The following SRGAP2C variants were observed in gnomAD, a reference collection of about 807,000 sequenced individuals.
The protein encoded by SRGAP2C is SLIT-ROBO Rho GTPase-activating protein 2C.
In SRGAP2C, 15 loss-of-function variants were observed where a neutral mutation model predicts 25.1. That is an observed-to-expected ratio of 0.60 (90% CI 0.40 to 0.92). The LOEUF is 0.92. Ranked by LOEUF, SRGAP2C falls within the 40% of genes least tolerant of loss-of-function variation. SRGAP2C has a pLI of 0.00. For synonymous variants in SRGAP2C, 44 were observed against 96.6 expected (o/e 0.46, Z 3.19); for missense variants, 144 against 264.4 (o/e 0.54, Z 3.16).
chr1:121,285,442 CTAGTAAA>C (rs1429378024), intron 3 of SRGAP2C, among the ~76,000 whole-genome samples: 9 of 142,396 alleles, frequency 6.3e-5, no homozygotes, highest in African/African-American at 2.1e-4. Context: ...TCACACACCC[CTAGTAAA>C]TAGTAGAGCT....
chr1:121,265,950 T>G (rs1656766387), intron 2 of SRGAP2C, among the ~76,000 whole-genome samples: 1 of 151,616 alleles, frequency 6.6e-6, no homozygotes, highest in African/African-American at 2.4e-5. Flanking sequence ...AGACTTCTTG[T>G]TGTTGGTTTT....
intron 4 of SRGAP2C, among the ~76,000 whole-genome samples, chr1:121,346,722 G>A (rs1387855160): frequency 1.7e-4 from 26 of 152,132 alleles, no homozygotes; most frequent in African/African-American, 5.8e-4. Context: ...TGAAACAATA[G>A]CCCTTTGAAT....
intron 3 of SRGAP2C, among the ~76,000 whole-genome samples, chr1:121,300,177 C>T (rs1187378333): frequency 2.3e-5 from 3 of 128,788 alleles, no homozygotes; most frequent in Admixed American, 7.9e-5. Context: ...CCATTTTTTG[C>T]GATGCTGTAA....
At chr1:121,313,925 A>G (rs1553340263) in intron 3 of SRGAP2C, among the ~76,000 whole-genome samples, 1 of 141,258 alleles carries the variant, frequency 7.1e-6, no homozygotes, top group Non-Finnish European at 1.5e-5. Context: ...CTTCTTCAGG[A>G]GTATCTTTGT....
rs1159244899 is a variant in SRGAP2C, at chr1:121,258,444, C to T, written c.68-26359C>T. The stretch of plus-strand genomic sequence containing the variant: ...AAGCTGTTGGCTTTTAGGATACATC[C>T]CCAAATGGTCATCTATCACTCTTTT... On this transcript the variant is annotated intron_variant, in intron 2 of 9. Transcript: ENST00000367123. 5.5e-5 allele frequency among the ~76,000 whole-genome samples: 8 copies of T among 144,876 alleles called. No homozygotes were observed. The South Asian group carries it at 1.5e-3, about 27-fold the overall frequency.
At chr1:121,190,156 T>A (rs2211092) in intron 2 of SRGAP2C, among the ~76,000 whole-genome samples, 2 of 152,076 alleles carry the variant, frequency 1.3e-5, no homozygotes, top group African/African-American at 4.8e-5. Context: ...TGGCTCTGCC[T>A]CCCACTAGCT....
intron 2 of SRGAP2C, among the ~76,000 whole-genome samples, chr1:121,192,047 G>T (rs1375682102): frequency 1.3e-5 from 2 of 151,824 alleles, no homozygotes; most frequent in Non-Finnish European, 2.9e-5. Context: ...GACCCTTCAA[G>T]AGCAGGAGAT....
chr1:121,188,879 G>A lies in SRGAP2C; in HGVS notation c.67+1366G>A, dbSNP rs1411344164. On this transcript the variant is annotated intron_variant, in intron 2 of 9. Coordinates refer to ENST00000367123, the MANE Select transcript of SRGAP2C (RefSeq NM_001329984.2). Reference sequence around the variant, plus strand: ...TCCACTTGGCTGCAAATATTGGTAGGTTTATTACAGAGGTGGGGGAGTTGA... The same window carrying A: ...TCCACTTGGCTGCAAATATTGGTAGATTTATTACAGAGGTGGGGGAGTTGA... 2.4e-5 allele frequency among the ~76,000 whole-genome samples: 2 copies of A among 83,136 alleles called. 1 individual carries two copies. The highest frequency in any genetic ancestry group is 1.1e-4 in the African/African-American group (2 of 17,780). The allele number at this position is 83,136 out of a possible 152,430, so 54.5% of individuals were successfully genotyped here.
Position 121,285,313 on chromosome 1 carries a change from A to G in SRGAP2C, c.260+318A>G, listed in dbSNP as rs1469395916. On this transcript the variant is annotated intron_variant, in intron 3 of 9. Transcript: ENST00000367123. ...ACAACTCCATATGATGGTTATTGTT[A>G]TTATCCCCAATTTATAGATGAGGAA... is the stretch of plus-strand genomic sequence containing the variant. Among the ~76,000 whole-genome samples, 308 of 149,734 alleles carry G rather than the reference A, an allele frequency of 2.1e-3. 1 individual carries two copies. The highest frequency in any genetic ancestry group is 6.8e-3 in the African/African-American group (277 of 40,948).
At chr1:121,360,948 TC>T (rs1659178004) in intron 4 of SRGAP2C, 1 of 137,238 alleles carries the variant, frequency 7.3e-6, no homozygotes, top group African/African-American at 2.7e-5. Context: ...AAAACTGGAT[TC>T]TTTTTTGGAA....
At chr1:121,273,706 G>A (rs1387778053) in intron 2 of SRGAP2C, among the ~76,000 whole-genome samples, 1 of 151,846 alleles carries the variant, frequency 6.6e-6, no homozygotes, top group African/African-American at 2.4e-5. Flanking sequence ...GTCCACTGGG[G>A]CAAGGAGGGA....
intron 4 of SRGAP2C, among the ~76,000 whole-genome samples, chr1:121,335,343 A>AAAAAAAATAAAT (rs1320809368): frequency 7.3e-5 from 8 of 109,742 alleles, no homozygotes; most frequent in Non-Finnish European, 1.4e-4. Flanking sequence ...TCCATCTCAA[A>AAAAAAAATAAAT]AAATAAATAA....
chr1:121,377,076 GA>G (rs1335339200), intron 7 of SRGAP2C, among the ~76,000 whole-genome samples: 1 of 148,296 alleles, frequency 6.7e-6, no homozygotes, highest in Non-Finnish European at 1.5e-5. Context: ...ATCAGTCCAA[GA>G]AGCGAGGTAT....
intron 3 of SRGAP2C, among the ~76,000 whole-genome samples, chr1:121,323,642 G>T (rs1363044481): frequency 2.2e-5 from 3 of 135,796 alleles, no homozygotes; most frequent in Non-Finnish European, 4.7e-5. Context: ...AAAAAAAAGG[G>T]AATGAGCACC....
At chr1:121,188,384 G>A (rs1654580878) in intron 2 of SRGAP2C, among the ~76,000 whole-genome samples, 1 of 151,800 alleles carries the variant, frequency 6.6e-6, no homozygotes, top group Non-Finnish European at 1.5e-5. Flanking sequence ...CCCTTACTCA[G>A]ATAGCGTTTT....
At chr1:121,315,257 C>A (rs1658071358) in intron 3 of SRGAP2C, among the ~76,000 whole-genome samples, 1 of 152,102 alleles carries the variant, frequency 6.6e-6, no homozygotes, top group African/African-American at 2.4e-5. Flanking sequence ...GATCTTCCCA[C>A]CTCAGCCTCC....
chr1:121,223,954 G>A (rs1464443541), intron 2 of SRGAP2C, among the ~76,000 whole-genome samples: 39 of 143,916 alleles, frequency 2.7e-4, no homozygotes, highest in Admixed American at 7.9e-4. Flanking sequence ...AAACCTCAAA[G>A]TTATTAATGG....
chr1:121,264,732 G>C (rs587741665), intron 2 of SRGAP2C, among the ~76,000 whole-genome samples: 2 of 149,684 alleles, frequency 1.3e-5, no homozygotes, highest in African/African-American at 2.5e-5. Flanking sequence ...CTACAGCATC[G>C]TCTTTTTCCC....
At chr1:121,329,221 AAG>A (rs1310779675) in intron 4 of SRGAP2C, among the ~76,000 whole-genome samples, 1 of 151,668 alleles carries the variant, frequency 6.6e-6, no homozygotes, top group Non-Finnish European at 1.5e-5. Flanking sequence ...AGAAAAAAAG[AAG>A]AGAGAGAGAG....
Sources: gnomAD v4.1 joint callset for allele counts (sites outside exome capture counted in the v4.1 genomes callset) on GRCh38, gnomAD v4.1.1 for gene constraint, MANE v1.5 for transcripts, NCBI Gene and HGNC (gene_info 2026-07-23, HGNC 2026-07-21) for gene names.